Variants in FOXC2 observed in about 807,000 individuals in gnomAD.
The protein encoded by FOXC2 is forkhead box protein C2.
Under a neutral mutation model 7.2 loss-of-function variants are expected in FOXC2, and 7 were observed. That is an observed-to-expected ratio of 0.97 (90% CI 0.55 to 1.81). The LOEUF (loss-of-function observed/expected upper bound fraction) is 1.81. Among genes scored for constraint, FOXC2 ranks in the 40% most tolerant of loss-of-function variants. The probability of loss-of-function intolerance (pLI) is 0.00; values close to 1 mark genes in which losing one functional copy is unlikely to be tolerated. For missense variants in FOXC2, 846 were observed against 741.2 expected, an observed-to-expected ratio of 1.14 and a Z score of -1.64; for synonymous variants, 436 against 350.4, an observed-to-expected ratio of 1.24 and a Z score of -2.73.
Position 86,568,553 on chromosome 16 carries a change from C to T in FOXC2, c.1218C>T (p.Pro406=). 6.7e-7 allele frequency: 1 copy of T among 1,485,806 alleles called. No homozygotes were observed. The highest frequency in any genetic ancestry group is 9.0e-7 in the Non-Finnish European group (1 of 1,116,132). The allele number at this position is 1,485,806 out of a possible 1,614,324, so 92.0% of individuals were successfully genotyped here. The change falls in exon 1 of 1, where the codon CCC becomes CCT. Residue 406 remains proline, a synonymous_variant. Transcript: ENST00000649859. This position sits in a 1 kb window ranked among gnomAD's most constrained non-coding sequence, Gnocchi z 5.2. ...AGGCGCCGCCGCCCCCGCCGGCTCC[C>T]CAGCCCCAGCCGACGCCGCAGCCCG... ...HPQAPPPPPA[P]QPQPTPQPGA...
At position 86,569,671 on chromosome 16, in the gene FOXC2, G is replaced by C. The variant is rs1003097276; in HGVS notation, c.*830G>C. ...CTAACTTCATCTGTGTTTGTCTTAC[G>C]TGGTCTTAATCGTTGTACTTACCTT... On this transcript the variant is annotated 3_prime_UTR_variant, in exon 1 of 1. Transcript: ENST00000649859. 6.1e-6 allele frequency: 1 copy of C among 165,058 alleles called. No homozygotes were observed. The highest frequency in any genetic ancestry group is 1.5e-5 in the Non-Finnish European group (1 of 67,870). 10.2% of individuals were successfully genotyped at this position (165,058 alleles called of 1,614,324 possible). A position where few individuals can be genotyped will look rare whatever the true frequency, so the allele number is the denominator to read the frequency against.
In FOXC2 at chr16:86,568,131, G is replaced by A; in HGVS notation, c.796G>A (p.Gly266Arg). Reference protein sequence around the residue: ...LPEHHAAAPNGLPGFSVENIM... With the variant: ...LPEHHAAAPNRLPGFSVENIM... ...GGAGCACCACGCCGCGGCGCCCAAC[G>A]GGCTGCCTGGCTTCAGCGTGGAGAA... Residue 266 changes from glycine to arginine, a missense_variant, in exon 1 of 1, where the codon GGG (glycine) becomes AGG (arginine). By Grantham distance (125) the Gly-to-Arg change is moderately radical. This residue lies in a region of FOXC2 where 640 missense variants were observed against 503.2 expected (regional missense o/e 1.27). Transcript: ENST00000649859. This position sits in a 1 kb window ranked among gnomAD's most constrained non-coding sequence, Gnocchi z 5.2. The A allele has an allele frequency of 7.4e-7, 1 of 1,352,132 alleles. No homozygotes were observed. Among genetic ancestry groups the A allele is most frequent in the African/African-American group, 1.5e-5 (1 of 64,976 alleles). 83.8% of individuals were successfully genotyped at this position (1,352,132 alleles called of 1,614,324 possible). A position where few individuals can be genotyped will look rare whatever the true frequency, so the allele number is the denominator to read the frequency against.
Position 86,567,356 on chromosome 16 carries a change from G to A in FOXC2, c.21G>A (p.Val7=), listed in dbSNP as rs375205036. Residue 7 remains valine (V), a synonymous_variant, in exon 1 of 1, where the codon GTG becomes GTA. Transcript: ENST00000649859. MQARYS[V]SDPNALGVVP... is the part of the protein sequence containing the mutation. ...GCAGCATGCAGGCGCGCTACTCCGT[G>A]TCCGACCCCAACGCCCTGGGAGTGG... 6.9e-5 allele frequency: 112 copies of A among 1,612,920 alleles called. No homozygotes were observed. The highest frequency in any genetic ancestry group is 9.4e-5 in the Non-Finnish European group (111 of 1,179,858).
In FOXC2 at chr16:86,567,879, C is replaced by A; in HGVS notation, c.544C>A (p.His182Asn). 6.2e-7 allele frequency: 1 copy of A among 1,607,116 alleles called. No individual in the cohort carries two copies. The highest frequency in any genetic ancestry group is 8.5e-7 in the Non-Finnish European group (1 of 1,179,052). ...GTCCAAGGAGAAGGAGGAGCGGGCC[C>A]ACCTCAAGGAGCCGCCCCCGGCGGC... ...DVSKEKEERAHLKEPPPAASK... is the reference protein window; with the variant it reads ...DVSKEKEERANLKEPPPAASK... The change falls in exon 1 of 1, where the codon CAC becomes AAC. Residue 182 changes from histidine (H) to asparagine (N), a missense_variant. Around this residue, in one of 3 missense-constraint regions of FOXC2, gnomAD observed 640 missense variants for 503.2 expected, o/e 1.27. Transcript: ENST00000649859.
rs773050488 is a variant in FOXC2, at chr16:86,567,527, C to T, written c.192C>T (p.Pro64=). The part of the protein sequence containing the change: ...RSYAPYHHHQ[P]AAPKDLVKPP... ...ACGCGCCCTACCACCACCACCAGCCCGCGGCGCCTAAGGACCTGGTGAAGC... is the reference window on the plus strand; with the variant it reads ...ACGCGCCCTACCACCACCACCAGCCTGCGGCGCCTAAGGACCTGGTGAAGC... Residue 64 remains proline (P), a synonymous_variant, in exon 1 of 1, where the codon CCC becomes CCT. Transcript: ENST00000649859. 1.9e-6 allele frequency: 3 copies of T among 1,614,132 alleles called. No homozygotes were observed. The highest frequency in any genetic ancestry group is 2.5e-6 in the Non-Finnish European group (3 of 1,180,034).
At position 86,567,261 on chromosome 16, in the gene FOXC2, C is replaced by T; in HGVS notation, c.-75C>T. The T allele has an allele frequency of 1.3e-6, 2 of 1,558,546 alleles. No individual in the cohort carries two copies. The highest frequency in any genetic ancestry group is 1.1e-5 in the South Asian group (1 of 88,090). ...CCCCTCTGGCTCTCTCGCGCTCTCTCGCTCTCAGGGCCCCCCTCGCTCCCC... is the reference window on the plus strand; with the variant it reads ...CCCCTCTGGCTCTCTCGCGCTCTCTTGCTCTCAGGGCCCCCCTCGCTCCCC... On this transcript the variant is annotated 5_prime_UTR_variant, in exon 1 of 1. Transcript: ENST00000649859.
At position 86,567,624 on chromosome 16, in the gene FOXC2, G is replaced by A. The variant is rs1974215849; in HGVS notation, c.289G>A (p.Gly97Ser). ...NAPEKKITLN[G>S]IYQFIMDRFP... ...GCCCGAGAAGAAGATCACCTTGAAC[G>A]GCATCTACCAGTTCATCATGGACCG... Residue 97 changes from glycine to serine, a missense_variant, in exon 1 of 1, where the codon GGC (glycine) becomes AGC (serine). Gly to Ser is a moderately conservative substitution (Grantham distance 56). Transcript: ENST00000649859. 6.2e-7 allele frequency: 1 copy of A among 1,613,974 alleles called. No homozygotes were observed. Among genetic ancestry groups the A allele is most frequent in the African/African-American group, 1.3e-5 (1 of 74,896 alleles).
In FOXC2 at chr16:86,568,753, G is replaced by A. The variant is rs753504239; in HGVS notation, c.1418G>A (p.Gly473Asp). The change falls in exon 1 of 1, where the codon GGC (glycine) becomes GAC (aspartate). Residue 473 changes from glycine to aspartate, a missense_variant. By Grantham distance (94) the Gly-to-Asp change is moderately conservative (BLOSUM62 -1). Coordinates refer to ENST00000649859, the MANE Select transcript of FOXC2 (RefSeq NM_005251.3). The surrounding 1 kb of genome is among the most constrained non-coding windows in gnomAD (Gnocchi z 5.2). ...ACCCTCGGGGAGTCCCAGGTGAGTGGCAATGCCAGCTGCCAGCTGCCCTAC... is the reference window on the plus strand; with the variant it reads ...ACCCTCGGGGAGTCCCAGGTGAGTGACAATGCCAGCTGCCAGCTGCCCTAC... ...NSTLGESQVS[G>D]NASCQLPYRS... 1.2e-6 allele frequency: 2 copies of A among 1,612,962 alleles called. No homozygotes were observed. The highest frequency in any genetic ancestry group is 1.1e-5 in the South Asian group (1 of 91,074).
Position 86,567,297 on chromosome 16 carries a change from C to T in FOXC2, c.-39C>T. 6.2e-7 allele frequency: 1 copy of T among 1,611,204 alleles called. No homozygotes were observed. The highest frequency in any genetic ancestry group is 1.3e-5 in the African/African-American group (1 of 75,006). On this transcript the variant is annotated 5_prime_UTR_variant, in exon 1 of 1. Transcript: ENST00000649859. The stretch of plus-strand genomic sequence containing the variant: ...CCCCCCTCGCTCCCCCGGCCGCAGT[C>T]CGTGCGCGAGGGCGCCGGCGAGCCG...
rs1437714921 is a variant in FOXC2 at position 86,567,164 on chromosome 16, G to A, written c.-172G>A. 12 of 649,594 alleles carry A rather than the reference G, an allele frequency of 1.8e-5. No individual in the cohort carries two copies. Among genetic ancestry groups the A allele is most frequent in the Non-Finnish European group, 2.4e-5 (10 of 408,716 alleles). 40.2% of individuals were successfully genotyped at this position (649,594 alleles called of 1,614,324 possible). A position where few individuals can be genotyped will look rare whatever the true frequency, so the allele number is the denominator to read the frequency against. On this transcript the variant is annotated 5_prime_UTR_variant, in exon 1 of 1. Coordinates refer to ENST00000649859, the MANE Select transcript of FOXC2 (RefSeq NM_005251.3). ...GCGCGCGCCCCTGCTCGGCCCGAGC[G>A]CCGCCGCCCGCGCACCCTCGCCCCG...
Position 86,569,151 on chromosome 16 carries a change from A to G in FOXC2, c.*310A>G, listed in dbSNP as rs760823131. 63 of 486,478 alleles carry G rather than the reference A, an allele frequency of 1.3e-4. No individual in the cohort carries two copies. Among genetic ancestry groups the G allele is most frequent in the Non-Finnish European group, 1.7e-4 (44 of 257,676 alleles). 30.1% of individuals were successfully genotyped at this position (486,478 alleles called of 1,614,324 possible). ...GGACGGCTGTGCTGTGCTCGACCTG[A>G]GCTTTCAAAAGTTAAGTTATGGACC... On this transcript the variant is annotated 3_prime_UTR_variant, in exon 1 of 1. Coordinates refer to ENST00000649859, the MANE Select transcript of FOXC2 (RefSeq NM_005251.3).
At position 86,567,393 on chromosome 16, in the gene FOXC2, A is replaced by C. The variant is rs1471061675; in HGVS notation, c.58A>C (p.Ser20Arg). ...PNALGVVPYL[S>R]EQNYYRAAGS... Reference sequence around the variant, plus strand: ...CGCCCTGGGAGTGGTGCCCTACCTGAGCGAGCAGAATTACTACCGGGCTGC... The same window carrying C: ...CGCCCTGGGAGTGGTGCCCTACCTGCGCGAGCAGAATTACTACCGGGCTGC... Residue 20 changes from serine (S) to arginine (R), a missense_variant, in exon 1 of 1, where the codon AGC becomes CGC. Ser to Arg is a moderately radical substitution (Grantham distance 110). This residue lies in a region of FOXC2 where 154 missense variants were observed against 134.2 expected (regional missense o/e 1.15). Transcript: ENST00000649859. 1.2e-6 allele frequency: 2 copies of C among 1,613,166 alleles called. No homozygotes were observed. Among genetic ancestry groups the C allele is most frequent in the Admixed American group, 3.3e-5 (2 of 60,008 alleles).
At position 86,568,875 on chromosome 16, in the gene FOXC2, C is replaced by G. The variant is rs771444623; in HGVS notation, c.*34C>G. The G allele has an allele frequency of 6.2e-7, 1 of 1,611,320 alleles. No homozygotes were observed. Among genetic ancestry groups the G allele is most frequent in the South Asian group, 1.1e-5 (1 of 90,896 alleles). On this transcript the variant is annotated 3_prime_UTR_variant, in exon 1 of 1. Coordinates refer to ENST00000649859, the MANE Select transcript of FOXC2 (RefSeq NM_005251.3). The surrounding 1 kb of genome is among the most constrained non-coding windows in gnomAD (Gnocchi z 5.2). ...GGGACCTCCCCTCCCCGGCCCGCTC[C>G]GGCTTCGCTTCCCAGCCCCGACCCA...
At position 86,568,700 on chromosome 16, in the gene FOXC2, C is replaced by G. The variant is rs769989399; in HGVS notation, c.1365C>G (p.Asn455Lys). The change falls in exon 1 of 1, where the codon AAC (asparagine) becomes AAG (lysine). Residue 455 changes from asparagine to lysine, a missense_variant. By Grantham distance (94) the Asn-to-Lys change is moderately conservative. Transcript: ENST00000649859. The surrounding 1 kb of genome is among the most constrained non-coding windows in gnomAD (Gnocchi z 5.2). ...QTFPNVREMF[N>K]SHRLGIENST... ...TCCCCAACGTGCGGGAGATGTTCAA[C>G]TCCCACCGGCTGGGGATTGAGAACT... 10 of 1,612,806 alleles carry G rather than the reference C, an allele frequency of 6.2e-6. No individual in the cohort carries two copies. Among genetic ancestry groups the G allele is most frequent in the Non-Finnish European group, 7.6e-6 (9 of 1,180,008 alleles).
chr16:86,568,871 G>C lies in FOXC2; in HGVS notation c.*30G>C, dbSNP rs770998891. 3 of 1,611,334 alleles carry C rather than the reference G, an allele frequency of 1.9e-6. No individual in the cohort carries two copies. In the Admixed American group the frequency reaches 5.0e-5, roughly 27 times the overall value. On this transcript the variant is annotated 3_prime_UTR_variant, in exon 1 of 1. Transcript: ENST00000649859. The surrounding 1 kb of genome is among the most constrained non-coding windows in gnomAD (Gnocchi z 5.2). The stretch of plus-strand genomic sequence containing the variant: ...TCCCGGGACCTCCCCTCCCCGGCCC[G>C]CTCCGGCTTCGCTTCCCAGCCCCGA...
In FOXC2 at chr16:86,567,877, C is replaced by A; in HGVS notation, c.542C>A (p.Ala181Asp). The A allele has an allele frequency of 6.2e-7, 1 of 1,609,772 alleles. No individual in the cohort carries two copies. Among genetic ancestry groups the A allele is most frequent in the Non-Finnish European group, 8.5e-7 (1 of 1,179,700 alleles). ...KDVSKEKEER[A>D]HLKEPPPAAS... ...GTGTCCAAGGAGAAGGAGGAGCGGG[C>A]CCACCTCAAGGAGCCGCCCCCGGCG... is the stretch of plus-strand genomic sequence containing the variant. The change falls in exon 1 of 1, where the codon GCC (alanine) becomes GAC (aspartate). Residue 181 changes from alanine (A) to aspartate (D), a missense_variant. Coordinates refer to ENST00000649859, the MANE Select transcript of FOXC2 (RefSeq NM_005251.3).
Position 86,568,490 on chromosome 16 carries a change from GGGCCACCACCACCAGCACCAC to G in FOXC2, c.1169_1189del (p.Gln390_His396del), listed in dbSNP as rs976840192. 2.6e-4 allele frequency: 332 copies of G among 1,297,186 alleles called. 1 individual carries two copies. The highest frequency in any genetic ancestry group is 3.0e-4 in the Non-Finnish European group (310 of 1,019,558). 80.4% of individuals were successfully genotyped at this position (1,297,186 alleles called of 1,614,324 possible). On this transcript the variant is annotated inframe_deletion, in exon 1 of 1. Transcript: ENST00000649859. The surrounding 1 kb of genome is among the most constrained non-coding windows in gnomAD (Gnocchi z 5.2). ...GCCAGGAGGGCGCGCTCGCCGCCACGGGCCACCACCACCAGCACCACGGCCACCACCACCCGCAGGCGCCGC... is the reference window on the plus strand; with the variant it reads ...GCCAGGAGGGCGCGCTCGCCGCCACGGGCCACCACCACCCGCAGGCGCCGC...
In FOXC2 at chr16:86,568,444, G is replaced by A; in HGVS notation, c.1109G>A (p.Ser370Asn). The change falls in exon 1 of 1, where the codon AGC becomes AAC. Residue 370 changes from serine (S) to asparagine (N), a missense_variant. This residue lies in a region of FOXC2 where 640 missense variants were observed against 503.2 expected (regional missense o/e 1.27). Transcript: ENST00000649859. This position sits in a 1 kb window ranked among gnomAD's most constrained non-coding sequence, Gnocchi z 5.2. ...DHPSGPTSPLSALNLAAGQEG... is the reference protein window; with the variant it reads ...DHPSGPTSPLNALNLAAGQEG... ...CCGAGCGGCCCCACGTCGCCCCTGAGCGCTCTCAACCTCGCCGCCGGCCAG... is the reference window on the plus strand; with the variant it reads ...CCGAGCGGCCCCACGTCGCCCCTGAACGCTCTCAACCTCGCCGCCGGCCAG... 1 of 1,373,726 alleles carries A rather than the reference G, an allele frequency of 7.3e-7. No individual in the cohort carries two copies. Among genetic ancestry groups the A allele is most frequent in the African/African-American group, 1.5e-5 (1 of 66,482 alleles). 85.1% of individuals were successfully genotyped at this position (1,373,726 alleles called of 1,614,324 possible). A position where few individuals can be genotyped will look rare whatever the true frequency, so the allele number is the denominator to read the frequency against.
rs1567571691 is a variant in FOXC2 at position 86,568,391 on chromosome 16, C to T, written c.1056C>T (p.Pro352=). The T allele has an allele frequency of 2.2e-6, 3 of 1,389,874 alleles. No homozygotes were observed. Among genetic ancestry groups the T allele is most frequent in the Admixed American group, 2.6e-5 (1 of 38,806 alleles). 86.1% of individuals were successfully genotyped at this position (1,389,874 alleles called of 1,614,324 possible). The change falls in exon 1 of 1, where the codon CCC becomes CCT. Residue 352 remains proline, a synonymous_variant. Transcript: ENST00000649859. This position sits in a 1 kb window ranked among gnomAD's most constrained non-coding sequence, Gnocchi z 5.2. ...GGCCGGCGCACATGTGCGTCCCGCC[C>T]GCCCTGGACGAGGCCCTCTCGGACC... ...AERPAHMCVP[P]ALDEALSDHP...
Sources: gnomAD v4.1 joint callset for allele counts on GRCh38, gnomAD v4.1.1 for gene constraint, gnomAD v4.1.1 regional missense constraint, Gnocchi (gnomAD v3.1) non-coding constraint, MANE v1.5 for transcripts, NCBI Gene and HGNC (gene_info 2026-07-23, HGNC 2026-07-21) for gene names.